ABCC9: variants seen among roughly 807,000 people sequenced by gnomAD.
The protein encoded by ABCC9 is ATP binding cassette subfamily C member 9.
Under a neutral mutation model 188.3 loss-of-function variants are expected in ABCC9, and 95 were observed. The ratio of observed to expected loss-of-function variants is 0.50; its 90% CI spans 0.43 to 0.60. The LOEUF (loss-of-function observed/expected upper bound fraction) is 0.60. Among genes scored for constraint, ABCC9 ranks in the 20% least tolerant of loss-of-function variants. The probability of loss-of-function intolerance (pLI) is 0.00; values close to 1 mark genes in which losing one functional copy is unlikely to be tolerated. For missense variants in ABCC9, 1,102 were observed against 1,876.3 expected, an observed-to-expected ratio of 0.59 and a Z score of 7.62; for synonymous variants, 659 against 652.7, an observed-to-expected ratio of 1.01 and a Z score of -0.15.
intron 2 of ABCC9, among the ~76,000 whole-genome samples, chr12:21,939,641 T>C (rs1467009690): frequency 6.6e-6 from 1 of 152,078 alleles, no homozygotes; most frequent in African/African-American, 2.4e-5. Flanking sequence ...GGCCCAAGCA[T>C]CAAGGAGAGA....
At chr12:21,823,956 G>C (rs550911769) in intron 31 of ABCC9, among the ~76,000 whole-genome samples, 1 of 152,342 alleles carries the variant, frequency 6.6e-6, no homozygotes, top group Admixed American at 6.5e-5. Context: ...TATGATTTGA[G>C]TGTGTTATGG....
At chr12:21,807,583 A>G (rs1941945765) in intron 37 of ABCC9, 104 bp from the exon 38 acceptor site, 13 of 1,489,038 alleles carry the variant, frequency 8.7e-6, no homozygotes, top group South Asian at 4.6e-5. Flanking sequence ...AGCATGATGG[A>G]TATCACTTAG....
In ABCC9 at chr12:21,801,011, T is replaced by C; in HGVS notation, c.*33A>G. On this transcript the variant is annotated 3_prime_UTR_variant, in exon 40 of 40. Transcript: ENST00000261200. ...CATTAATTAGGTTATGACTGCATTA[T>C]TTTAAATACATGTATTGTTTTAAGA... 6.2e-7 allele frequency: 1 copy of C among 1,612,886 alleles called. No homozygotes were observed. Among genetic ancestry groups the C allele is most frequent in the Middle Eastern group, 1.7e-4 (1 of 6,016 alleles).
chr12:21,910,686 A>G (rs543821928), intron 9 of ABCC9, 140 bp downstream of exon 9: 3 of 745,734 alleles, frequency 4.0e-6, no homozygotes, highest in South Asian at 1.8e-5. Context: ...TCTTTCATTA[A>G]GTAGATTATA....
intron 4 of ABCC9, among the ~76,000 whole-genome samples, chr12:21,927,901 C>T (rs1381869173): frequency 6.6e-6 from 1 of 152,098 alleles, no homozygotes; most frequent in Non-Finnish European, 1.5e-5. Context: ...GGAAATGCTT[C>T]TAATATTCTC....
chr12:21,899,540 T>C (rs1947606781), intron 12 of ABCC9, among the ~76,000 whole-genome samples: 1 of 151,522 alleles, frequency 6.6e-6, no homozygotes, highest in African/African-American at 2.4e-5. Flanking sequence ...GCACAAGGGG[T>C]CAGGGAATTC....
At chr12:21,894,551 G>C (rs1281082792) in intron 13 of ABCC9, among the ~76,000 whole-genome samples, 2 of 71,922 alleles carry the variant, frequency 2.8e-5, no homozygotes, top group African/African-American at 1.1e-4. Context: ...TGTTGTTTTG[G>C]GGTCCTCACT....
At chr12:21,849,120 A>C (rs926048157) in intron 24 of ABCC9, among the ~76,000 whole-genome samples, 2 of 152,038 alleles carry the variant, frequency 1.3e-5, no homozygotes, top group African/African-American at 4.8e-5. Flanking sequence ...ATTCTAAACA[A>C]CTAACCCACA....
chr12:21,853,500 C>G (rs1268591002), intron 22 of ABCC9, among the ~76,000 whole-genome samples: 7 of 152,014 alleles, frequency 4.6e-5, no homozygotes, highest in Admixed American at 2.6e-4. Context: ...GCATGCCTAA[C>G]ACTTCCTGAT....
chr12:21,817,415 G>T, intron 32 of ABCC9, 108 bp from the exon 33 acceptor site: 1 of 1,001,522 alleles, frequency 1.0e-6, no homozygotes, highest in Non-Finnish European at 1.5e-6. Flanking sequence ...GTGTACATGT[G>T]TGATACAACT....
chr12:21,889,578 G>A (rs4762717), intron 14 of ABCC9, among the ~76,000 whole-genome samples: 52,383 of 152,044 alleles, frequency 0.34, 10,890 homozygotes, highest in Middle Eastern at 0.46. Context: ...TGTCATTCAA[G>A]GAATGTTTGT....
At position 21,881,906 on chromosome 12, in the gene ABCC9, C is replaced by A. The variant is rs76828956; in HGVS notation, c.2019+860G>T. Among the ~76,000 whole-genome samples, 1,176 of 152,098 alleles carry A rather than the reference C, an allele frequency of 7.7e-3. 18 individuals are homozygous for A. Among genetic ancestry groups the A allele is most frequent in the African/African-American group, 0.027 (1,121 of 41,462 alleles). On this transcript the variant is annotated intron_variant, in intron 16 of 39. Transcript: ENST00000261200. The stretch of plus-strand genomic sequence containing the variant: ...GGCTCAATGAGGCATAGTAATTTGC[C>A]CAAATATCATGCATCAAATTAGTGG...
chr12:21,853,238 CAGGAGGAAGAGGTTCCTGG>C (rs1236249888), intron 22 of ABCC9, among the ~76,000 whole-genome samples: 3 of 151,992 alleles, frequency 2.0e-5, no homozygotes, highest in Non-Finnish European at 2.9e-5. Flanking sequence ...CGCCTGAACC[CAGGAGGAAGAGGTTCCTGG>C]AGGAGGAAGA....
intron 22 of ABCC9, among the ~76,000 whole-genome samples, chr12:21,857,471 G>A (rs1945283776): frequency 6.6e-6 from 1 of 152,116 alleles, no homozygotes; most frequent in Admixed American, 6.5e-5. Context: ...AGAGCTGTCT[G>A]TGGTAGAAAG....
chr12:21,865,318 G>T (rs1230085096), intron 18 of ABCC9, among the ~76,000 whole-genome samples: 1 of 152,022 alleles, frequency 6.6e-6, no homozygotes, highest in East Asian at 1.9e-4. Context: ...AGTTACTAAG[G>T]ATCATTTTCA....
intron 3 of ABCC9, among the ~76,000 whole-genome samples, chr12:21,934,847 A>T (rs1949423934): frequency 6.6e-6 from 1 of 152,100 alleles, no homozygotes; most frequent in Admixed American, 6.6e-5. Flanking sequence ...TTTGAAATGA[A>T]TATTCATGTC....
intron 33 of ABCC9, among the ~76,000 whole-genome samples, 176 bp from the exon 34 acceptor site, chr12:21,816,069 TTTTTTTTTTTTA>T (rs1942620836): frequency 8.3e-6 from 1 of 119,972 alleles, no homozygotes; most frequent in African/African-American, 3.8e-5. Flanking sequence ...TTTTTTTTTT[TTTTTTTTTTTTA>T]GTTTAAATCA....
intron 30 of ABCC9, among the ~76,000 whole-genome samples, chr12:21,837,049 TTAAA>T (rs773498217): frequency 1.3e-5 from 2 of 152,188 alleles, no homozygotes; most frequent in Non-Finnish European, 2.9e-5. Flanking sequence ...CAAATGTTTC[TTAAA>T]TAAATTGAAT....
intron 2 of ABCC9, among the ~76,000 whole-genome samples, chr12:21,938,412 C>A (rs1184827415): frequency 1.3e-5 from 2 of 151,960 alleles, no homozygotes; most frequent in Non-Finnish European, 2.9e-5. Context: ...ATAAAAGGGA[C>A]TTGAAGTTTT....
Sources: gnomAD v4.1 joint callset for allele counts (sites outside exome capture counted in the v4.1 genomes callset) on GRCh38, gnomAD v4.1.1 for gene constraint, MANE v1.5 for transcripts, NCBI Gene and HGNC (gene_info 2026-07-23, HGNC 2026-07-21) for gene names.